The following CSMD3 variants were observed in gnomAD, a reference collection of about 807,000 sequenced individuals.
The protein encoded by CSMD3 is CUB and Sushi multiple domains 3.
Under a neutral mutation model 435.2 loss-of-function variants are expected in CSMD3, and 177 were observed. That is an observed-to-expected ratio of 0.41 (90% confidence interval 0.36 to 0.46). CSMD3 has a LOEUF of 0.46. CSMD3 is among the 20% of genes least tolerant of loss of function. The pLI is 0.34. For synonymous variants in CSMD3, 1,656 were observed against 1,520.5 expected, an observed-to-expected ratio of 1.09 and a Z score of -2.07; for missense variants, 4,265 against 4,504.6, an observed-to-expected ratio of 0.95 and a Z score of 1.52.
chr8:112,757,512 C>T (rs1462183648), intron 13 of CSMD3, among the ~76,000 whole-genome samples: 2 of 152,056 alleles, frequency 1.3e-5, no homozygotes, highest in Non-Finnish European at 1.5e-5. Context: ...GTAACAGAAG[C>T]TCCCATCATC....
intron 10 of CSMD3, among the ~76,000 whole-genome samples, chr8:112,906,290 C>G (rs1300995835): frequency 6.6e-6 from 1 of 151,264 alleles, no homozygotes; most frequent in Non-Finnish European, 1.5e-5. Flanking sequence ...TGGGAGTTCA[C>G]AAGGCTGCAA....
chr8:112,490,958 A>G (rs1820629245), intron 31 of CSMD3, among the ~76,000 whole-genome samples: 1 of 152,186 alleles, frequency 6.6e-6, no homozygotes, highest in African/African-American at 2.4e-5. Context: ...CTGATAGATG[A>G]ACCATAAATG....
At chr8:112,243,097 A>G (rs1814324977) in intron 65 of CSMD3, among the ~76,000 whole-genome samples, 1 of 152,116 alleles carries the variant, frequency 6.6e-6, no homozygotes, top group Non-Finnish European at 1.5e-5. Context: ...ACAGTTGTAA[A>G]CACTTTGAGT....
chr8:113,219,780 ATATG>A (rs1326294791), intron 3 of CSMD3, among the ~76,000 whole-genome samples: 1 of 151,528 alleles, frequency 6.6e-6, no homozygotes, highest in African/African-American at 2.4e-5. Flanking sequence ...CTACAATAAA[ATATG>A]TATACATTTG....
chr8:113,204,360 T>A (rs780154856), intron 3 of CSMD3, among the ~76,000 whole-genome samples: 5 of 152,160 alleles, frequency 3.3e-5, no homozygotes, highest in African/African-American at 7.2e-5. Context: ...CAGGTACTGT[T>A]CATTTTTTAA....
At chr8:112,842,646 T>A (rs1304166808) in intron 11 of CSMD3, among the ~76,000 whole-genome samples, 4 of 151,826 alleles carry the variant, frequency 2.6e-5, no homozygotes, top group Non-Finnish European at 4.4e-5. Flanking sequence ...GAAGTCCAGA[T>A]AAGTTTTTGG....
At chr8:113,392,485 A>G (rs77891257) in intron 1 of CSMD3, among the ~76,000 whole-genome samples, 2 of 152,246 alleles carry the variant, frequency 1.3e-5, no homozygotes, top group Admixed American at 6.5e-5. Context: ...CAACCACTGT[A>G]TCAGATATTC....
intron 38 of CSMD3, among the ~76,000 whole-genome samples, chr8:112,357,411 G>T (rs1172075845): frequency 6.6e-6 from 1 of 152,170 alleles, no homozygotes; most frequent in African/African-American, 2.4e-5. Flanking sequence ...TTTGAAAAAT[G>T]TGCAGTCTGA....
At chr8:112,690,305 T>G (rs1444561610) in intron 13 of CSMD3, among the ~76,000 whole-genome samples, 1 of 151,970 alleles carries the variant, frequency 6.6e-6, no homozygotes, top group Non-Finnish European at 1.5e-5. Flanking sequence ...CCAGAGGCCA[T>G]GTACTTAACA....
intron 35 of CSMD3, among the ~76,000 whole-genome samples, chr8:112,391,219 A>G (rs1248484970): frequency 6.6e-6 from 1 of 152,176 alleles, no homozygotes; most frequent in Non-Finnish European, 1.5e-5. Context: ...GATAACAATT[A>G]TATTATGATC....
At chr8:113,148,098 A>C (rs1300641379) in intron 4 of CSMD3, among the ~76,000 whole-genome samples, 1 of 151,778 alleles carries the variant, frequency 6.6e-6, no homozygotes, top group Non-Finnish European at 1.5e-5. Flanking sequence ...CTTTAAAATG[A>C]CTTGCAATGC....
chr8:112,884,816 G>C (rs1475680489), intron 10 of CSMD3, among the ~76,000 whole-genome samples: 1 of 151,778 alleles, frequency 6.6e-6, no homozygotes, highest in Non-Finnish European at 1.5e-5. Flanking sequence ...AGTGGGAACT[G>C]ATCATATTAA....
chr8:112,883,717 A>T (rs935344208), intron 10 of CSMD3, among the ~76,000 whole-genome samples: 6 of 151,912 alleles, frequency 3.9e-5, no homozygotes, highest in African/African-American at 1.4e-4. Context: ...ACCAGTCTTT[A>T]TTGGATTTTC....
At chr8:112,308,149 T>C (rs891282796) in intron 50 of CSMD3, among the ~76,000 whole-genome samples, 9 of 152,138 alleles carry the variant, frequency 5.9e-5, no homozygotes, top group Non-Finnish European at 1.0e-4. Flanking sequence ...ATCCCTGCTT[T>C]CTAATTACAG....
chr8:112,336,900 A>G, intron 43 of CSMD3, 71 bp from the exon 44 acceptor site: 2 of 1,209,418 alleles, frequency 1.7e-6, no homozygotes, highest in Non-Finnish European at 2.4e-6. Context: ...AAAAAGGCAA[A>G]CATTTCACAT....
At chr8:112,295,180 T>G (rs1449650013) in intron 54 of CSMD3, among the ~76,000 whole-genome samples, 2 of 152,144 alleles carry the variant, frequency 1.3e-5, no homozygotes, top group African/African-American at 4.8e-5. Flanking sequence ...CTTGATATAT[T>G]TAAAAATGCA....
In CSMD3 at chr8:112,666,207, T is replaced by C. The variant is rs747322607; in HGVS notation, c.2816+70A>G. On this transcript the variant is annotated intron_variant, in intron 17 of 70. Coordinates refer to ENST00000297405, the MANE Select transcript of CSMD3 (RefSeq NM_198123.2). ...TAAAATTAAACATTCATTTGGTAAATGCAAAAGAGAATGTCAACTAATCTT... is the reference window on the plus strand; with the variant it reads ...TAAAATTAAACATTCATTTGGTAAACGCAAAAGAGAATGTCAACTAATCTT... 1.9e-5 allele frequency: 23 copies of C among 1,203,376 alleles called. No individual in the cohort carries two copies. The South Asian group carries it at 2.5e-4, about 13-fold the overall frequency. The allele number at this position is 1,203,376 out of a possible 1,614,324, so 74.5% of individuals were successfully genotyped here.
At chr8:112,227,789 T>C (rs1812706231) in intron 70 of CSMD3, among the ~76,000 whole-genome samples, 2 of 152,270 alleles carry the variant, frequency 1.3e-5, no homozygotes, top group South Asian at 4.1e-4. Flanking sequence ...ACACCTGTAA[T>C]CCCAGCACTT....
intron 59 of CSMD3, 66 bp from the exon 60 acceptor site, chr8:112,265,656 A>C: frequency 9.5e-7 from 1 of 1,050,104 alleles, no homozygotes; most frequent in Middle Eastern, 2.0e-4. Context: ...AGGAGTAGTA[A>C]GCATATGGCA....
Sources: allele counts gnomAD v4.1 joint callset (sites outside exome capture counted in the v4.1 genomes callset), GRCh38; gene constraint gnomAD v4.1.1; transcripts MANE v1.5; gene names NCBI Gene and HGNC (gene_info 2026-07-23, HGNC 2026-07-21).